The following CDH23 variants were observed in gnomAD, a reference collection of about 807,000 sequenced individuals.
CDH23 encodes cadherin related 23, also known as cadherin-23.
Under a neutral mutation model 317.1 loss-of-function variants are expected in CDH23, and 189 were observed. That is an observed-to-expected ratio of 0.60 (90% CI 0.53 to 0.67). The LOEUF (loss-of-function observed/expected upper bound fraction) is 0.67, where lower values mean the gene tolerates loss of function less well. CDH23 is among the 30% of genes least tolerant of loss of function. The pLI is 0.00. For synonymous variants in CDH23, 1,839 were observed against 1,876.8 expected, an observed-to-expected ratio of 0.98 and a Z score of 0.52; for missense variants, 4,401 against 4,592.4, an observed-to-expected ratio of 0.96 and a Z score of 1.20.
chr10:71,606,818 A>G (rs1860553342), intron 9 of CDH23, among the ~76,000 whole-genome samples: 1 of 152,212 alleles, frequency 6.6e-6, no homozygotes, highest in Non-Finnish European at 1.5e-5. Flanking sequence ...GAATGCACAC[A>G]GAAGAGACCT....
intron 3 of CDH23, among the ~76,000 whole-genome samples, chr10:71,446,872 C>A (rs941567591): frequency 6.6e-6 from 1 of 152,244 alleles, no homozygotes; most frequent in African/African-American, 2.4e-5. Context: ...TGGCCCCCTA[C>A]TGAGGGCCTG....
At chr10:71,543,627 G>A (rs1856108907) in intron 6 of CDH23, among the ~76,000 whole-genome samples, 1 of 152,338 alleles carries the variant, frequency 6.6e-6, no homozygotes, top group African/African-American at 2.4e-5. Flanking sequence ...AAGTCCTCAT[G>A]CTTCTCCTAG....
chr10:71,620,572 C>G (rs970986509), intron 11 of CDH23, among the ~76,000 whole-genome samples: 2 of 152,222 alleles, frequency 1.3e-5, no homozygotes, highest in Admixed American at 1.3e-4. Context: ...GACCGCCCCC[C>G]ACCCAGGCTC....
intron 28 of CDH23, among the ~76,000 whole-genome samples, chr10:71,722,178 T>A (rs1011678707): frequency 2.0e-5 from 3 of 152,188 alleles, no homozygotes; most frequent in Admixed American, 6.5e-5. Context: ...TGGTGGCTCA[T>A]GCCTGTAATC....
chr10:71,803,506 G>GA, intron 55 of CDH23, 86 bp downstream of exon 55: 6 of 1,244,552 alleles, frequency 4.8e-6, no homozygotes, highest in African/African-American at 1.5e-5. Flanking sequence ...CCACTCTAAA[G>GA]GTGGGGAAAC....
In CDH23 at chr10:71,397,130, C is replaced by A. The variant is rs1847552999; in HGVS notation, c.-194C>A. ...CCCCCGGCGCGCCTGAAGTTGCGAG[C>A]GGCGAGCGGCGAGCGGCGAGCGGCC... is the stretch of plus-strand genomic sequence containing the variant. On this transcript the variant is annotated 5_prime_UTR_variant, in exon 1 of 70. Transcript: ENST00000224721. The surrounding 1 kb of genome is among the most constrained non-coding windows in gnomAD (Gnocchi z 4.8). The A allele has an allele frequency of 5.7e-6, 1 of 175,908 alleles. No individual in the cohort carries two copies. The highest frequency in any genetic ancestry group is 1.2e-5 in the Non-Finnish European group (1 of 84,684). 10.9% of individuals were successfully genotyped at this position (175,908 alleles called of 1,614,324 possible).
Position 71,454,851 on chromosome 10 carries a change from T to A in CDH23, c.145+8456T>A, listed in dbSNP as rs554065210. On this transcript the variant is annotated intron_variant, in intron 3 of 69. Coordinates refer to ENST00000224721, the MANE Select transcript of CDH23 (RefSeq NM_022124.6). ...TATATTTTTTTTACATTTTATTTTT[T>A]TTTTTTTTTAGAAACAGGATCCCTA... 1.2e-3 allele frequency among the ~76,000 whole-genome samples: 189 copies of A among 151,422 alleles called. 1 individual carries two copies. The highest frequency in any genetic ancestry group is 4.4e-3 in the African/African-American group (182 of 41,380).
intron 24 of CDH23, among the ~76,000 whole-genome samples, chr10:71,703,047 C>T (rs1284764387): frequency 3.9e-5 from 6 of 152,144 alleles, no homozygotes; most frequent in Non-Finnish European, 4.4e-5. Context: ...GGGCATCTGC[C>T]TCTCCCATGC....
At chr10:71,565,547 G>A (rs896189412) in intron 6 of CDH23, among the ~76,000 whole-genome samples, 4 of 152,130 alleles carry the variant, frequency 2.6e-5, no homozygotes, top group African/African-American at 9.7e-5. Context: ...CAGGGGAGTG[G>A]GTAGACAGGG....
At chr10:71,424,379 G>A (rs1300021647) in intron 1 of CDH23, among the ~76,000 whole-genome samples, 3 of 152,250 alleles carry the variant, frequency 2.0e-5, no homozygotes, top group Admixed American at 1.3e-4. Context: ...ATTAACACGC[G>A]TAAAAACAAT....
intron 11 of CDH23, among the ~76,000 whole-genome samples, chr10:71,639,739 A>G (rs1242942744): frequency 6.6e-6 from 1 of 152,182 alleles, no homozygotes; most frequent in Non-Finnish European, 1.5e-5. Context: ...CGCCTGTGTC[A>G]TAGCCGGGCT....
At chr10:71,792,622 C>T in intron 47 of CDH23, among the ~76,000 whole-genome samples, 1 of 129,946 alleles carries the variant, frequency 7.7e-6, no homozygotes, top group Non-Finnish European at 1.6e-5. Flanking sequence ...GTCTGGAGTT[C>T]CAGACCAGCC....
chr10:71,797,516 G>GA (rs1324126642), intron 49 of CDH23, among the ~76,000 whole-genome samples: 2 of 152,152 alleles, frequency 1.3e-5, no homozygotes, highest in African/African-American at 4.8e-5. Flanking sequence ...AACAGATTGA[G>GA]AAAAAATGGT....
chr10:71,647,134 A>G, intron 14 of CDH23: 5 of 967,882 alleles, frequency 5.2e-6, no homozygotes, highest in Non-Finnish European at 6.1e-6. Context: ...AAGTAGTTCA[A>G]GCAAAAAAGG....
intron 1 of CDH23, among the ~76,000 whole-genome samples, chr10:71,405,402 G>C (rs563193405): frequency 6.7e-6 from 1 of 149,254 alleles, no homozygotes; most frequent in East Asian, 2.0e-4. Context: ...CTAAGGCTTT[G>C]TCTTAGAGGG....
intron 22 of CDH23, among the ~76,000 whole-genome samples, chr10:71,696,707 C>G (rs1453936459): frequency 6.6e-6 from 1 of 152,234 alleles, no homozygotes; most frequent in Non-Finnish European, 1.5e-5. Flanking sequence ...CCATCCAGAG[C>G]CACTGCCAAG....
intron 14 of CDH23, among the ~76,000 whole-genome samples, chr10:71,669,519 C>T (rs1052741580): frequency 1.3e-5 from 2 of 151,312 alleles, no homozygotes; most frequent in East Asian, 3.9e-4. Flanking sequence ...GCCATCTCTG[C>T]TCACTGCAAC....
At chr10:71,461,545 C>T (rs539352328) in intron 3 of CDH23, among the ~76,000 whole-genome samples, 10 of 152,358 alleles carry the variant, frequency 6.6e-5, no homozygotes, top group African/African-American at 2.2e-4. Context: ...CCTGAACAGA[C>T]ATTGCCCTGG....
At chr10:71,683,892 C>T (rs774162559) in intron 18 of CDH23, among the ~76,000 whole-genome samples, 3 of 151,974 alleles carry the variant, frequency 2.0e-5, no homozygotes, top group Non-Finnish European at 2.9e-5. Flanking sequence ...ACTAGCCTGA[C>T]CAACGTGGTG....
Sources: gnomAD v4.1 joint callset for allele counts (sites outside exome capture counted in the v4.1 genomes callset) on GRCh38, gnomAD v4.1.1 for gene constraint, Gnocchi (gnomAD v3.1) non-coding constraint, MANE v1.5 for transcripts, NCBI Gene and HGNC (gene_info 2026-07-23, HGNC 2026-07-21) for gene names.